The following COLEC12 variants were observed in gnomAD, a reference collection of about 807,000 sequenced individuals.
COLEC12 encodes collectin subfamily member 12.
In COLEC12, 33 loss-of-function variants were observed where a neutral mutation model predicts 71.1. That is an observed-to-expected ratio of 0.46 (90% CI 0.35 to 0.62). The LOEUF (loss-of-function observed/expected upper bound fraction) is 0.62. Among genes scored for constraint, COLEC12 ranks in the 20% least tolerant of loss-of-function variants. COLEC12 has a pLI of 0.00. For synonymous variants in COLEC12, 350 were observed against 353.0 expected (o/e 0.99, Z 0.10); for missense variants, 765 against 916.1 (o/e 0.84, Z 2.13).
At chr18:336,171 G>C (rs1914114878) in intron 5 of COLEC12, among the ~76,000 whole-genome samples, 1 of 152,148 alleles carries the variant, frequency 6.6e-6, no homozygotes, top group South Asian at 2.1e-4. Context: ...TTGTACCCCA[G>C]CTGGCATGCC....
chr18:435,473 C>T (rs965858164), intron 2 of COLEC12, among the ~76,000 whole-genome samples: 2 of 152,096 alleles, frequency 1.3e-5, no homozygotes, highest in African/African-American at 4.8e-5. Flanking sequence ...ATGGGGAAAC[C>T]GCCCCCATGA....
intron 2 of COLEC12, among the ~76,000 whole-genome samples, chr18:475,399 G>C (rs1433140382): frequency 6.6e-6 from 1 of 152,152 alleles, no homozygotes; most frequent in African/African-American, 2.4e-5. Flanking sequence ...GCTGCGGTGA[G>C]AGGGATGCCT....
chr18:356,683 A>G (rs1914635010), intron 3 of COLEC12, among the ~76,000 whole-genome samples: 1 of 152,214 alleles, frequency 6.6e-6, no homozygotes, highest in Non-Finnish European at 1.5e-5. Flanking sequence ...GCTGTTTTCT[A>G]GAAAAGGGCT....
intron 5 of COLEC12, among the ~76,000 whole-genome samples, chr18:342,561 T>A (rs1914280424): frequency 6.6e-6 from 1 of 152,242 alleles, no homozygotes; most frequent in South Asian, 2.1e-4. Context: ...GCTTTATCCA[T>A]CTGCCCTTCA....
At chr18:379,379 G>A (rs570086652) in intron 2 of COLEC12, among the ~76,000 whole-genome samples, 174 of 152,050 alleles carry the variant, frequency 1.1e-3, no homozygotes, top group Non-Finnish European at 2.3e-3. Flanking sequence ...CTCCCATCTC[G>A]GTCTCCCAAA....
intron 1 of COLEC12, among the ~76,000 whole-genome samples, chr18:496,327 A>C (rs1462860777): frequency 6.6e-6 from 1 of 152,234 alleles, no homozygotes. Flanking sequence ...GAGACCACAG[A>C]GAAGATGTAT....
chr18:322,687 G>A (rs965338847), intron 8 of COLEC12, among the ~76,000 whole-genome samples: 1 of 152,206 alleles, frequency 6.6e-6, no homozygotes, highest in African/African-American at 2.4e-5. Context: ...CCTGCCTCAT[G>A]TGGAGGGTCT....
chr18:363,111 G>A (rs1463091189), intron 2 of COLEC12, among the ~76,000 whole-genome samples: 1 of 152,136 alleles, frequency 6.6e-6, no homozygotes, highest in Non-Finnish European at 1.5e-5. Flanking sequence ...GAATGACAGT[G>A]CAAAGGGCCA....
chr18:482,643 T>C (rs1917444905), intron 1 of COLEC12, among the ~76,000 whole-genome samples: 2 of 151,660 alleles, frequency 1.3e-5, no homozygotes, highest in Non-Finnish European at 2.9e-5. Context: ...TAGAATTTTG[T>C]TCTTGTCGCC....
intron 2 of COLEC12, among the ~76,000 whole-genome samples, chr18:476,284 A>T (rs1466399119): frequency 1.3e-5 from 2 of 152,248 alleles, no homozygotes; most frequent in Non-Finnish European, 2.9e-5. Context: ...ACTGTTTCAC[A>T]GTTTGCCATT....
In COLEC12 at chr18:362,355, CTGTTT is replaced by C. The variant is rs1191442545; in HGVS notation, c.59-4838_59-4834del. Among the ~76,000 whole-genome samples the C allele has an allele frequency of 1.3e-5, 2 of 152,124 alleles. No homozygotes were observed. The highest frequency in any genetic ancestry group is 4.8e-5 in the African/African-American group (2 of 41,426). On this transcript the variant is annotated intron_variant, in intron 2 of 9. Transcript: ENST00000400256. This position sits in a 1 kb window ranked among gnomAD's most constrained non-coding sequence, Gnocchi z 4.6. ...CCCTGACTTCTTTTTAATAAGAATTCTGTTTTATCTTCCTCTCTGCCCTCCGCTGG... is the reference window on the plus strand; with the variant it reads ...CCCTGACTTCTTTTTAATAAGAATTCTATCTTCCTCTCTGCCCTCCGCTGG...
chr18:437,928 C>G (rs1484113066), intron 2 of COLEC12, among the ~76,000 whole-genome samples: 1 of 152,198 alleles, frequency 6.6e-6, no homozygotes, highest in South Asian at 2.1e-4. Flanking sequence ...GATCTGTCAT[C>G]TCATAGCACA....
intron 1 of COLEC12, among the ~76,000 whole-genome samples, chr18:483,372 T>C (rs906421474): frequency 3.4e-5 from 5 of 146,374 alleles, no homozygotes; most frequent in Admixed American, 7.0e-5. Context: ...CACTCCAGCC[T>C]GAGCGACAGA....
chr18:462,680 T>C (rs1412066459), intron 2 of COLEC12, among the ~76,000 whole-genome samples: 1 of 152,186 alleles, frequency 6.6e-6, no homozygotes, highest in African/African-American at 2.4e-5. Flanking sequence ...GATACATAAA[T>C]TATATCTCTA....
intron 9 of COLEC12, among the ~76,000 whole-genome samples, chr18:320,704 T>G (rs1239977840): frequency 6.6e-6 from 1 of 152,248 alleles, no homozygotes; most frequent in Admixed American, 6.5e-5. Context: ...TTTTAGAACA[T>G]TTCCATCACC....
intron 1 of COLEC12, among the ~76,000 whole-genome samples, chr18:481,204 C>T (rs1917408814): frequency 6.6e-6 from 1 of 152,116 alleles, no homozygotes; most frequent in South Asian, 2.1e-4. Flanking sequence ...ACCCTAAAGC[C>T]CCTGTTTTTA....
At chr18:360,178 C>CTTTTTTTTTTTTTTTTTT (rs778619867) in intron 2 of COLEC12, among the ~76,000 whole-genome samples, 1 of 141,614 alleles carries the variant, frequency 7.1e-6, no homozygotes, top group Non-Finnish European at 1.5e-5. Context: ...ATTTGGATTT[C>CTTTTTTTTTTTTTTTTTT]TTTTTTTTTT....
chr18:354,781 A>G (rs1914594645), intron 3 of COLEC12, among the ~76,000 whole-genome samples: 1 of 152,158 alleles, frequency 6.6e-6, no homozygotes, highest in Non-Finnish European at 1.5e-5. Flanking sequence ...GGAGGCCTGA[A>G]GGAGGGGGGC....
At chr18:374,569 C>T (rs1475338906) in intron 2 of COLEC12, among the ~76,000 whole-genome samples, 1 of 152,196 alleles carries the variant, frequency 6.6e-6, no homozygotes, top group Non-Finnish European at 1.5e-5. Context: ...CTTGTGATAC[C>T]TGGCCTCCCA....
Sources: gnomAD v4.1 joint callset for allele counts (sites outside exome capture counted in the v4.1 genomes callset) on GRCh38, gnomAD v4.1.1 for gene constraint, Gnocchi (gnomAD v3.1) non-coding constraint, MANE v1.5 for transcripts, NCBI Gene and HGNC (gene_info 2026-07-23, HGNC 2026-07-21) for gene names.